SCN11A: variants seen among roughly 807,000 people sequenced by gnomAD.
SCN11A encodes the protein sodium voltage-gated channel alpha subunit 11.
A neutral mutation model predicts 162.2 loss-of-function variants in SCN11A; 122 were observed. That is an observed-to-expected ratio of 0.75 (90% confidence interval 0.65 to 0.87). The LOEUF is 0.87. SCN11A is among the 40% of genes least tolerant of loss of function. SCN11A has a pLI of 0.00. For missense variants in SCN11A, 2,015 were observed against 2,181.6 expected (o/e 0.92, Z 1.52); for synonymous variants, 758 against 751.5 (o/e 1.01, Z -0.14).
intron 2 of SCN11A, among the ~76,000 whole-genome samples, chr3:39,017,818 G>T (rs760723979): frequency 6.6e-6 from 1 of 152,026 alleles, no homozygotes; most frequent in East Asian, 1.9e-4. Context: ...GCACTTCTGC[G>T]TGGTTTTGAT....
chr3:38,871,709 C>G lies in SCN11A; in HGVS notation c.3496-1G>C, dbSNP rs1194095857. On this transcript the variant is annotated splice_acceptor_variant, in intron 24 of 29. Coordinates refer to ENST00000302328, the MANE Select transcript of SCN11A (RefSeq NM_001349253.2). LOFTEE classifies it high-confidence loss of function. ...CACCTATGAGAGCATTGACCACCAC[C>G]TTATGGAAACAAAAGCAAAGAAAAC... is the stretch of plus-strand genomic sequence containing the variant. 6.3e-7 allele frequency: 1 copy of G among 1,580,124 alleles called. No individual in the cohort carries two copies. The highest frequency in any genetic ancestry group is 8.6e-7 in the Non-Finnish European group (1 of 1,168,864).
At chr3:38,968,603 C>T (rs867888470) in intron 2 of SCN11A, among the ~76,000 whole-genome samples, 43 of 152,112 alleles carry the variant, frequency 2.8e-4, no homozygotes, top group East Asian at 3.9e-4. Context: ...TGCACACACA[C>T]GTGCACACAC....
chr3:38,858,045 CA>C (rs1052950983), intron 28 of SCN11A, among the ~76,000 whole-genome samples: 1 of 151,806 alleles, frequency 6.6e-6, no homozygotes, highest in Non-Finnish European at 1.5e-5. Context: ...CAAAACAAAA[CA>C]AACAAACAAA....
At chr3:39,017,826 G>A (rs1414705328) in intron 2 of SCN11A, among the ~76,000 whole-genome samples, 1 of 152,048 alleles carries the variant, frequency 6.6e-6, no homozygotes, top group African/African-American at 2.4e-5. Flanking sequence ...GCGTGGTTTT[G>A]ATTGAACAAT....
At chr3:39,017,622 C>G (rs2031330140) in intron 2 of SCN11A, among the ~76,000 whole-genome samples, 1 of 152,156 alleles carries the variant, frequency 6.6e-6, no homozygotes, top group Non-Finnish European at 1.5e-5. Flanking sequence ...GTCTCTCTCT[C>G]TCTTTCCTCT....
chr3:38,846,876 C>G lies in SCN11A; in HGVS notation c.5194G>C (p.Glu1732Gln), dbSNP rs2064674319. 1 of 1,614,092 alleles carries G rather than the reference C, an allele frequency of 6.2e-7. No homozygotes were observed. Among genetic ancestry groups the G allele is most frequent in the East Asian group, 2.2e-5 (1 of 44,862 alleles). The part of the protein sequence containing the change: ...EPIVTTTKRK[E>Q]EERGAAIIQK... The stretch of plus-strand genomic sequence containing the variant: ...ATAATAGCAGCACCTCTTTCCTCTT[C>G]CTTTCTCTTGGTGGTGGTGACTATG... Residue 1732 changes from glutamate to glutamine, a missense_variant, in exon 30 of 30, where the codon GAA becomes CAA. Coordinates refer to ENST00000302328, the MANE Select transcript of SCN11A (RefSeq NM_001349253.2).
At chr3:39,024,154 C>T (rs2031528103) in intron 2 of SCN11A, among the ~76,000 whole-genome samples, 1 of 152,206 alleles carries the variant, frequency 6.6e-6, no homozygotes, top group African/African-American at 2.4e-5. Flanking sequence ...CAAAGTTTTA[C>T]ATGCTTCAGA....
At chr3:38,950,656 G>A (rs749536841) in intron 4 of SCN11A, 10 of 403,376 alleles carry the variant, frequency 2.5e-5, no homozygotes, top group Non-Finnish European at 4.6e-5. Context: ...AGCAGAAGAA[G>A]CCCAGTCTCT....
intron 23 of SCN11A, among the ~76,000 whole-genome samples, chr3:38,878,397 T>G (rs1224261577): frequency 6.6e-6 from 1 of 151,994 alleles, no homozygotes; most frequent in Non-Finnish European, 1.5e-5. Context: ...AATGTTTTGC[T>G]TAAGGTTACA....
rs2066050253 is a variant in SCN11A, at chr3:38,921,384, C to T, written c.713-129G>A. 3 of 802,090 alleles carry T rather than the reference C, an allele frequency of 3.7e-6. No individual in the cohort carries two copies. The African/African-American group carries it at 5.3e-5, about 14-fold the overall frequency. The allele number at this position is 802,090 out of a possible 1,614,324, so 49.7% of individuals were successfully genotyped here. ...GGCTGGAACTGGACTCCAGCCTAGC[C>T]TATGATTCTGATGCCTTGAGTTTGT... On this transcript the variant is annotated intron_variant, in intron 9 of 29. Coordinates refer to ENST00000302328, the MANE Select transcript of SCN11A (RefSeq NM_001349253.2).
chr3:38,884,287 T>C (rs978398316), intron 21 of SCN11A, among the ~76,000 whole-genome samples: 13 of 152,182 alleles, frequency 8.5e-5, no homozygotes, highest in African/African-American at 3.1e-4. Flanking sequence ...TCTCCACTGT[T>C]GACATCATAT....
Position 38,867,376 on chromosome 3 carries a change from G to A in SCN11A, c.3896C>T (p.Thr1299Ile), listed in dbSNP as rs2065057347. 2 of 1,613,176 alleles carry A rather than the reference G, an allele frequency of 1.2e-6. No homozygotes were observed. The highest frequency in any genetic ancestry group is 1.7e-6 in the Non-Finnish European group (2 of 1,179,202). Residue 1299 changes from threonine (T) to isoleucine (I), a missense_variant, in exon 27 of 30, where the codon ACT (threonine) becomes ATT (isoleucine). By Grantham distance (89) the Thr-to-Ile change is moderately conservative. Transcript: ENST00000302328. Reference protein sequence around the residue: ...VVFIIFGSFFTLNLFIGVIID... With the variant: ...VVFIIFGSFFILNLFIGVIID... ...GATAACGCCAATGAAGAGATTCAGAGTGAAGAATGAGCCAAAGATGATAAA... is the reference window on the plus strand; with the variant it reads ...GATAACGCCAATGAAGAGATTCAGAATGAAGAATGAGCCAAAGATGATAAA...
At chr3:38,963,836 T>C (rs1414247750) in intron 2 of SCN11A, among the ~76,000 whole-genome samples, 1 of 152,118 alleles carries the variant, frequency 6.6e-6, no homozygotes, top group Non-Finnish European at 1.5e-5. Flanking sequence ...AACTTACTCA[T>C]GTAACCAAAT....
chr3:38,921,245 G>T lies in SCN11A; in HGVS notation c.723C>A (p.Val241=). Residue 241 remains valine (V), a synonymous_variant, in exon 10 of 30, where the codon GTC becomes GTA. Coordinates refer to ENST00000302328, the MANE Select transcript of SCN11A (RefSeq NM_001349253.2). ...KAISVVSRLK[V]IVGALLRSVK... ...CAGAGCGTAGCAAGGCCCCCACGAT[G>T]ACCTTCAGACCTGAGAAAGAGGACA... 6.2e-7 allele frequency: 1 copy of T among 1,613,740 alleles called. No homozygotes were observed. Among genetic ancestry groups the T allele is most frequent in the South Asian group, 1.1e-5 (1 of 91,034 alleles).
rs557872820 is a variant in SCN11A at position 38,873,482 on chromosome 3, C to T, written c.3394-1188G>A. On this transcript the variant is annotated intron_variant, in intron 23 of 29. Transcript: ENST00000302328. ...GTGTATTTATAATGTTTTTAGTGGG[C>T]TTTTTGTTTACAATGGCACCACTTT... 1.2e-4 allele frequency among the ~76,000 whole-genome samples: 18 copies of T among 152,218 alleles called. No individual in the cohort carries two copies. The East Asian group carries it at 3.5e-3, about 29-fold the overall frequency.
At chr3:39,026,111 TTAAAAA>T (rs1195495938) in intron 2 of SCN11A, 1 of 151,356 alleles carries the variant, frequency 6.6e-6, no homozygotes, top group East Asian at 1.9e-4. Context: ...TATGTGTCAA[TTAAAAA>T]TAAAATAAAA....
At chr3:39,044,294 A>T (rs2032132290) in intron 1 of SCN11A, among the ~76,000 whole-genome samples, 1 of 152,214 alleles carries the variant, frequency 6.6e-6, no homozygotes, top group African/African-American at 2.4e-5. Flanking sequence ...GAAACATCAG[A>T]TTTAAACGGC....
At position 38,850,644 on chromosome 3, in the gene SCN11A, G is replaced by C; in HGVS notation, c.4164C>G (p.Tyr1388Ter). 1.2e-6 allele frequency: 2 copies of C among 1,613,940 alleles called. No individual in the cohort carries two copies. The highest frequency in any genetic ancestry group is 1.7e-6 in the Non-Finnish European group (2 of 1,179,884). ...LNMISMMAES[Y>*]NQPKAMKSIL... is the part of the protein sequence containing the mutation. ...TGGATTTCATGGCTTTGGGTTGGTT[G>C]TATGATTCAGCCATCATGCTAATCA... Residue 1388 changes from tyrosine (Y) to a stop codon, truncating the protein, a stop_gained, in exon 29 of 30, where the codon TAC becomes TAG. Transcript: ENST00000302328. LOFTEE classifies it high-confidence loss of function.
chr3:38,868,941 G>A (rs2065082783), intron 26 of SCN11A, among the ~76,000 whole-genome samples: 1 of 152,150 alleles, frequency 6.6e-6, no homozygotes, highest in Non-Finnish European at 1.5e-5. Context: ...GTTGGGCCTT[G>A]CAGCAAGGGA....
Sources: allele counts gnomAD v4.1 joint callset (sites outside exome capture counted in the v4.1 genomes callset), GRCh38; gene constraint gnomAD v4.1.1; transcripts MANE v1.5; gene names NCBI Gene and HGNC (gene_info 2026-07-23, HGNC 2026-07-21).